ISLR2: variants seen among roughly 807,000 people sequenced by gnomAD.
ISLR2 encodes immunoglobulin superfamily containing leucine-rich repeat protein 2.
A neutral mutation model predicts 25.5 loss-of-function variants in ISLR2; 16 were observed. The observed-to-expected ratio is 0.63, with a 90% CI of 0.43 to 0.95. The LOEUF (loss-of-function observed/expected upper bound fraction) is 0.95, where lower values mean the gene tolerates loss of function less well. ISLR2 is among the 40% of genes least tolerant of loss of function. The pLI is 0.00. For synonymous variants in ISLR2, 508 were observed against 486.6 expected, an observed-to-expected ratio of 1.04 and a Z score of -0.58; for missense variants, 883 against 1,030.7, an observed-to-expected ratio of 0.86 and a Z score of 1.96.
At position 74,122,968 on chromosome 15, in the gene ISLR2, G is replaced by A. The variant is rs183526390; in HGVS notation, n.229-8239G>A. Among the ~76,000 whole-genome samples the A allele has an allele frequency of 2.3e-3, 351 of 152,252 alleles. 4 individuals are homozygous for A. The highest frequency in any genetic ancestry group is 2.1e-3 in the Non-Finnish European group (142 of 68,018). On this transcript the variant is annotated intron_variant and non_coding_transcript_variant, in intron 2 of 3. Coordinates refer to the ISLR2 transcript ENST00000561975. ...TGTGGCCTTTCTGTGTCCTGTGATG[G>A]CCCCACGGAATGGAGGACTGAGAGT... is the stretch of plus-strand genomic sequence containing the variant.
Position 74,132,702 on chromosome 15 carries a change from T to C in ISLR2, c.-8-45T>C. 1 of 1,575,308 alleles carries C rather than the reference T, an allele frequency of 6.3e-7. No homozygotes were observed. Among genetic ancestry groups the C allele is most frequent in the Non-Finnish European group, 8.6e-7 (1 of 1,158,552 alleles). On this transcript the variant is annotated intron_variant, in intron 2 of 2. Coordinates refer to ENST00000453268, the MANE Select transcript of ISLR2 (RefSeq NM_020851.3). The surrounding 1 kb of genome is among the most constrained non-coding windows in gnomAD (Gnocchi z 4.3). ...CTTGATAGGGGAGGTAAGCTGGGGT[T>C]CAGTGAGTCACCTTCTTTCTTCTTC...
At chr15:74,124,403 AGGG>A (rs2072275581), upstream of ISLR2, among the ~76,000 whole-genome samples, 1 of 152,134 alleles carries the variant, frequency 6.6e-6, no homozygotes, top group Non-Finnish European at 1.5e-5. Flanking sequence ...GTCAAGACCC[AGGG>A]GAGAGGCTGT....
intron 2 of ISLR2, among the ~76,000 whole-genome samples, chr15:74,109,558 G>A (rs573118604): frequency 6.6e-6 from 1 of 152,324 alleles, no homozygotes; most frequent in Non-Finnish European, 1.5e-5. Flanking sequence ...GATTTTAGGC[G>A]ATACGGGGAT....
At chr15:74,103,856 T>C (rs2072099472) in exon 2 of ISLR2, 1 of 148,662 alleles carries the variant, frequency 6.7e-6, no homozygotes, top group Non-Finnish European at 1.5e-5. Flanking sequence ...GCTTTCCCCT[T>C]TGCTCGGCTC....
intron 2 of ISLR2, among the ~76,000 whole-genome samples, chr15:74,107,189 G>A (rs1160434964): frequency 6.6e-6 from 1 of 152,192 alleles, no homozygotes; most frequent in Non-Finnish European, 1.5e-5. Flanking sequence ...CTGGGGTCCA[G>A]GAAAGCCAAG....
In ISLR2 at chr15:74,134,983, G is replaced by A. The variant is rs945117292; in HGVS notation, c.2229G>A (p.Thr743=). 3 of 1,611,866 alleles carry A rather than the reference G, an allele frequency of 1.9e-6. No homozygotes were observed. Among genetic ancestry groups the A allele is most frequent in the Non-Finnish European group, 1.7e-6 (2 of 1,179,182 alleles). Residue 743 remains threonine, a synonymous_variant, in exon 3 of 3, where the codon ACG becomes ACA. Transcript: ENST00000453268. ...AQEINGNYRQ[T]AG Reference sequence around the variant, plus strand: ...AGATTAATGGCAACTACAGGCAGACGGCAGGCTGAACCTCCGCCCGTCCGG... The same window carrying A: ...AGATTAATGGCAACTACAGGCAGACAGCAGGCTGAACCTCCGCCCGTCCGG...
At position 74,136,400 on chromosome 15, in the gene ISLR2, C is replaced by T. The variant is rs2072566377; in HGVS notation, c.*1408C>T. 1 of 165,102 alleles carries T rather than the reference C, an allele frequency of 6.1e-6. No individual in the cohort carries two copies. The highest frequency in any genetic ancestry group is 2.4e-5 in the African/African-American group (1 of 41,466). 10.2% of individuals were successfully genotyped at this position (165,102 alleles called of 1,614,324 possible). A position where few individuals can be genotyped will look rare whatever the true frequency, so the allele number is the denominator to read the frequency against. On this transcript the variant is annotated 3_prime_UTR_variant, in exon 3 of 3. Coordinates refer to ENST00000453268, the MANE Select transcript of ISLR2 (RefSeq NM_020851.3). ...GCGACGGGATCCGGATGGAGCCGAG[C>T]CCCTCCGTCCTCGCGTCTCGGTCCT...
In ISLR2 at chr15:74,132,620, A is replaced by G. The variant is rs1049448888; in HGVS notation, c.-8-127A>G. 5 of 1,296,964 alleles carry G rather than the reference A, an allele frequency of 3.9e-6. No homozygotes were observed. The African/African-American group carries it at 4.5e-5, about 12-fold the overall frequency. The allele number at this position is 1,296,964 out of a possible 1,614,324, so 80.3% of individuals were successfully genotyped here. A position where few individuals can be genotyped will look rare whatever the true frequency, so the allele number is the denominator to read the frequency against. On this transcript the variant is annotated intron_variant, in intron 2 of 2. Coordinates refer to ENST00000453268, the MANE Select transcript of ISLR2 (RefSeq NM_020851.3). The surrounding 1 kb of genome is among the most constrained non-coding windows in gnomAD (Gnocchi z 4.3). ...CTTCACTTCAGAGAGGCTCCTGGCCATAGAGGAGGTTACCGGAGCCCTGGA... is the reference window on the plus strand; with the variant it reads ...CTTCACTTCAGAGAGGCTCCTGGCCGTAGAGGAGGTTACCGGAGCCCTGGA...
At chr15:74,116,312 C>T (rs994271535) in intron 2 of ISLR2, among the ~76,000 whole-genome samples, 3 of 151,552 alleles carry the variant, frequency 2.0e-5, no homozygotes, top group African/African-American at 4.9e-5. Context: ...TGTAATCATG[C>T]CAGCACTTTG....
upstream of ISLR2, chr15:74,128,904 T>G: frequency 2.5e-6 from 1 of 397,250 alleles, no homozygotes; most frequent in South Asian, 1.8e-5. Context: ...AAGGGTGTGC[T>G]GGCCCCGCCG....
intron 2 of ISLR2, among the ~76,000 whole-genome samples, chr15:74,118,116 G>A (rs894910293): frequency 1.8e-4 from 28 of 152,068 alleles, no homozygotes; most frequent in Admixed American, 9.2e-4. Flanking sequence ...CCTAAGTGTC[G>A]GCTGGTCTGA....
At chr15:74,129,185 T>C (rs1285808296), upstream of ISLR2, 1 of 381,832 alleles carries the variant, frequency 2.6e-6, no homozygotes, top group East Asian at 7.4e-5. This position sits in a 1 kb window ranked among gnomAD's most constrained non-coding sequence, Gnocchi z 4.5. Flanking sequence ...CTCAGCCCGC[T>C]GGGCCGCCCG....
chr15:74,105,645 A>G lies in ISLR2; in HGVS notation n.228+1731A>G, dbSNP rs2072113850. 2.0e-5 allele frequency among the ~76,000 whole-genome samples: 3 copies of G among 149,558 alleles called. No homozygotes were observed. The Admixed American group carries it at 2.0e-4, about 10-fold the overall frequency. On this transcript the variant is annotated intron_variant and non_coding_transcript_variant, in intron 2 of 3. Coordinates refer to the ISLR2 transcript ENST00000561975. The stretch of plus-strand genomic sequence containing the variant: ...GCTGAGAACATTCAGCTTGATTTAG[A>G]AAGATAAGGTGGGACATCTCTTGGG...
Position 74,134,475 on chromosome 15 carries a change from C to T in ISLR2, c.1721C>T (p.Ala574Val). 1 of 1,611,586 alleles carries T rather than the reference C, an allele frequency of 6.2e-7. No homozygotes were observed. Among genetic ancestry groups the T allele is most frequent in the Non-Finnish European group, 8.5e-7 (1 of 1,179,584 alleles). The change falls in exon 3 of 3, where the codon GCC (alanine) becomes GTC (valine). Residue 574 changes from alanine (A) to valine (V), a missense_variant. By Grantham distance (64) the Ala-to-Val change is moderately conservative (BLOSUM62 0). Transcript: ENST00000453268. ...YSVCLALAGE[A>V]CHVQVVFSTK... ...GTGTGCCTGGCGCTGGCGGGCGAAG[C>T]CTGCCACGTGCAAGTGGTGTTTTCC...
downstream of ISLR2, among the ~76,000 whole-genome samples, chr15:74,138,082 C>G (rs1414742515): frequency 2.6e-5 from 4 of 152,076 alleles, no homozygotes; most frequent in Non-Finnish European, 2.9e-5. Context: ...TTAACCTCCT[C>G]GTCTTCTTCC....
upstream of ISLR2, among the ~76,000 whole-genome samples, chr15:74,125,411 T>TA (rs934902074): frequency 5.3e-5 from 8 of 151,826 alleles, no homozygotes; most frequent in East Asian, 3.9e-4. Flanking sequence ...CCAACTAATT[T>TA]AAAAAAAATG....
At chr15:74,118,064 A>G (rs912474385) in intron 2 of ISLR2, among the ~76,000 whole-genome samples, 1 of 152,194 alleles carries the variant, frequency 6.6e-6, no homozygotes, top group Non-Finnish European at 1.5e-5. Flanking sequence ...ATATCAGGCA[A>G]AATTCACCCC....
At chr15:74,107,661 G>A (rs962247588) in intron 2 of ISLR2, among the ~76,000 whole-genome samples, 5 of 152,126 alleles carry the variant, frequency 3.3e-5, no homozygotes, top group Non-Finnish European at 7.4e-5. Context: ...ATGTTTGCCC[G>A]CACCAGTCAA....
At chr15:74,117,859 G>C (rs2072222753) in intron 2 of ISLR2, among the ~76,000 whole-genome samples, 1 of 152,068 alleles carries the variant, frequency 6.6e-6, no homozygotes, top group Non-Finnish European at 1.5e-5. Context: ...GATGGTGAAG[G>C]GCCACCACCT....
Sources: gnomAD v4.1 joint callset for allele counts (sites outside exome capture counted in the v4.1 genomes callset) on GRCh38, gnomAD v4.1.1 for gene constraint, Gnocchi (gnomAD v3.1) non-coding constraint, MANE v1.5 for transcripts, NCBI Gene and HGNC (gene_info 2026-07-23, HGNC 2026-07-21) for gene names.